The following SLC26A7 variants were observed in gnomAD, a reference collection of about 807,000 sequenced individuals.
SLC26A7 encodes the protein anion exchange transporter.
SLC26A7 carries 59 observed loss-of-function variants against 82.5 expected under a neutral mutation model. That is an observed-to-expected ratio of 0.72 (90% CI 0.58 to 0.89). SLC26A7 has a LOEUF of 0.89. SLC26A7 is among the 40% of genes least tolerant of loss of function. SLC26A7 has a pLI of 0.00. For synonymous variants in SLC26A7, 271 were observed against 274.3 expected (o/e 0.99, Z 0.12); for missense variants, 820 against 793.0 (o/e 1.03, Z -0.41).
intron 2 of SLC26A7, among the ~76,000 whole-genome samples, chr8:91,261,484 C>T (rs1446165668): frequency 6.6e-6 from 1 of 151,908 alleles, no homozygotes; most frequent in African/African-American, 2.4e-5. Flanking sequence ...CCCAGGGAGT[C>T]GCCAAAGAAT....
At chr8:91,329,493 C>G (rs1302716844) in intron 5 of SLC26A7, among the ~76,000 whole-genome samples, 1 of 152,152 alleles carries the variant, frequency 6.6e-6, no homozygotes, top group Non-Finnish European at 1.5e-5. Flanking sequence ...TTAATCCAGA[C>G]AGACAATAAA....
At chr8:91,226,610 T>C (rs1321168994) in intron 2 of SLC26A7, among the ~76,000 whole-genome samples, 1 of 152,254 alleles carries the variant, frequency 6.6e-6, no homozygotes, top group African/African-American at 2.4e-5. Context: ...ACTGTTCTAA[T>C]GATATGGCAT....
intron 4 of SLC26A7, among the ~76,000 whole-genome samples, chr8:91,311,217 C>A (rs1812472915): frequency 6.6e-6 from 1 of 152,158 alleles, no homozygotes; most frequent in South Asian, 2.1e-4. Flanking sequence ...CATTCTTTTG[C>A]CACCCACTTC....
intron 9 of SLC26A7, among the ~76,000 whole-genome samples, chr8:91,346,178 G>A (rs1160693318): frequency 1.3e-5 from 2 of 152,094 alleles, no homozygotes; most frequent in Non-Finnish European, 2.9e-5. Flanking sequence ...ATGCTCCTCT[G>A]CTTGTTGAGA....
intron 11 of SLC26A7, among the ~76,000 whole-genome samples, chr8:91,356,583 G>C (rs1005808313): frequency 5.9e-5 from 9 of 152,020 alleles, no homozygotes; most frequent in African/African-American, 1.7e-4. Flanking sequence ...GTTGTTAGTT[G>C]TTTTCTTGTA....
intron 7 of SLC26A7, among the ~76,000 whole-genome samples, chr8:91,339,706 G>A (rs961507848): frequency 2.6e-5 from 4 of 151,710 alleles, no homozygotes; most frequent in African/African-American, 9.7e-5. Flanking sequence ...CATCAGGGAT[G>A]AATAAATAAT....
At chr8:91,346,662 C>G (rs1813572321) in intron 9 of SLC26A7, among the ~76,000 whole-genome samples, 1 of 152,162 alleles carries the variant, frequency 6.6e-6, no homozygotes, top group East Asian at 1.9e-4. Flanking sequence ...GTTATCTTTA[C>G]AAAATGCAAA....
chr8:91,301,212 CTT>C (rs1812155566), intron 4 of SLC26A7, among the ~76,000 whole-genome samples: 1 of 152,212 alleles, frequency 6.6e-6, no homozygotes, highest in African/African-American at 2.4e-5. Context: ...CTTGTGCTGT[CTT>C]TATCAGGTCT....
chr8:91,341,995 A>G (rs1012779947), intron 8 of SLC26A7, among the ~76,000 whole-genome samples: 11 of 152,118 alleles, frequency 7.2e-5, no homozygotes, highest in African/African-American at 2.6e-4. Context: ...TGGCATGATC[A>G]TGGCTCACTG....
At chr8:91,285,725 A>G (rs993828687) in intron 2 of SLC26A7, among the ~76,000 whole-genome samples, 5 of 152,346 alleles carry the variant, frequency 3.3e-5, no homozygotes, top group African/African-American at 1.2e-4. Context: ...GCTATGGTCT[A>G]TAAAATATTG....
chr8:91,343,584 T>C (rs1813479675), intron 9 of SLC26A7, 118 bp downstream of exon 9: 1 of 652,508 alleles, frequency 1.5e-6, no homozygotes, highest in Non-Finnish European at 2.5e-6. Flanking sequence ...ATTTAATTTT[T>C]TTTCTAAGTT....
At chr8:91,382,628 C>G (rs980810199) in intron 15 of SLC26A7, among the ~76,000 whole-genome samples, 5 of 152,074 alleles carry the variant, frequency 3.3e-5, no homozygotes, top group Admixed American at 3.3e-4. Context: ...AAGTGGAATT[C>G]ATAGTAATAG....
intron 14 of SLC26A7, among the ~76,000 whole-genome samples, chr8:91,369,312 G>T (rs1472582909): frequency 6.6e-6 from 1 of 151,234 alleles, no homozygotes; most frequent in Non-Finnish European, 1.5e-5. Context: ...AATAGCAGAT[G>T]ATCTCCTTAG....
intron 18 of SLC26A7, chr8:91,394,436 T>C (rs1018840856): frequency 1.4e-6 from 2 of 1,407,930 alleles, no homozygotes; most frequent in Admixed American, 3.2e-5. Flanking sequence ...CCTCTAAGCT[T>C]ATATTGCCAT....
chr8:91,214,954 A>G (rs1411211948), intron 1 of SLC26A7, among the ~76,000 whole-genome samples: 2 of 152,130 alleles, frequency 1.3e-5, no homozygotes, highest in Non-Finnish European at 2.9e-5. Flanking sequence ...GAGGCTCCCC[A>G]TATCCATTGG....
chr8:91,275,486 G>A (rs1811384117), intron 2 of SLC26A7, among the ~76,000 whole-genome samples: 1 of 152,016 alleles, frequency 6.6e-6, no homozygotes, highest in African/African-American at 2.4e-5. Flanking sequence ...TTTTTGTGGA[G>A]ACAGGGTCTC....
At chr8:91,257,639 AT>A (rs921517345) in intron 2 of SLC26A7, among the ~76,000 whole-genome samples, 10 of 151,786 alleles carry the variant, frequency 6.6e-5, no homozygotes, top group East Asian at 5.8e-4. Context: ...AAAAAAACAC[AT>A]TTTTTCCCCT....
At chr8:91,282,034 C>A in intron 2 of SLC26A7, among the ~76,000 whole-genome samples, 1 of 152,066 alleles carries the variant, frequency 6.6e-6, no homozygotes, top group Non-Finnish European at 1.5e-5. Context: ...CTAACTGAGG[C>A]CATCATTTTT....
At chr8:91,242,857 A>G (rs539834460) in intron 2 of SLC26A7, among the ~76,000 whole-genome samples, 1 of 152,358 alleles carries the variant, frequency 6.6e-6, no homozygotes, top group Admixed American at 6.5e-5. Flanking sequence ...AGCTAACATT[A>G]TAAGTGAAAA....
Sources: gnomAD v4.1 joint callset for allele counts (sites outside exome capture counted in the v4.1 genomes callset) on GRCh38, gnomAD v4.1.1 for gene constraint, MANE v1.5 for transcripts, NCBI Gene and HGNC (gene_info 2026-07-23, HGNC 2026-07-21) for gene names.